ZIM2: variants seen among roughly 807,000 people sequenced by gnomAD.
The protein encoded by ZIM2 is zinc finger protein 656.
ZIM2 carries 14 observed loss-of-function variants against 38.6 expected under a neutral mutation model. The ratio of observed to expected loss-of-function variants is 0.36; its 90% CI spans 0.24 to 0.57. The LOEUF (loss-of-function observed/expected upper bound fraction) is 0.57. ZIM2 is among the 20% of genes least tolerant of loss of function. The probability of loss-of-function intolerance (pLI) is 0.81; values close to 1 mark genes in which losing one functional copy is unlikely to be tolerated. For synonymous variants in ZIM2, 247 were observed against 245.8 expected (o/e 1.00, Z -0.04); for missense variants, 680 against 695.1 (o/e 0.98, Z 0.24).
intron 3 of ZIM2, among the ~76,000 whole-genome samples, chr19:56,826,152 A>T (rs1044849900): frequency 4.5e-4 from 68 of 152,192 alleles, no homozygotes; most frequent in African/African-American, 1.6e-3. Flanking sequence ...TCCCAAAGCA[A>T]GGGAAGGCAA....
chr19:56,778,401 TGGA>T (rs937819137), intron 12 of ZIM2, among the ~76,000 whole-genome samples: 1 of 152,106 alleles, frequency 6.6e-6, no homozygotes, highest in African/African-American at 2.4e-5. Flanking sequence ...CAGACAAACG[TGGA>T]GGAGGGCTGT....
intron 10 of ZIM2, among the ~76,000 whole-genome samples, chr19:56,788,873 G>A (rs905976530): frequency 6.6e-6 from 1 of 151,238 alleles, no homozygotes; most frequent in African/African-American, 2.4e-5. Flanking sequence ...CTCTAATCTT[G>A]TTTTCATGCT....
At chr19:56,824,483 A>G (rs1231755893) in intron 3 of ZIM2, 56 bp from the exon 4 acceptor site, 2 of 1,614,140 alleles carry the variant, frequency 1.2e-6, no homozygotes, top group Non-Finnish European at 1.7e-6. Context: ...CCGAGGCCCA[A>G]CAAATTCCAC....
chr19:56,822,809 C>T lies in ZIM2; in HGVS notation c.134G>A (p.Arg45Lys), dbSNP rs1173724173. 2 of 1,614,020 alleles carry T rather than the reference C, an allele frequency of 1.2e-6. No homozygotes were observed. The highest frequency in any genetic ancestry group is 1.3e-5 in the African/African-American group (1 of 74,936). ...GTCTCGTGGCTCCATGTCTCTGCTT[C>T]TGCCCCTCCGGTCCCAGTCCCGGTC... Reference protein sequence around the residue: ...SGDRDWDRRGRSRDMEPRDRW... With the variant: ...SGDRDWDRRGKSRDMEPRDRW... Residue 45 changes from arginine to lysine, a missense_variant, in exon 6 of 13, where the codon AGA (arginine) becomes AAA (lysine). Physicochemically the swap from Arg to Lys is conservative, Grantham distance 26 (BLOSUM62 2). Coordinates refer to ENST00000629319, the MANE Select transcript of ZIM2 (RefSeq NM_001387356.1).
chr19:56,810,822 T>C, intron 9 of ZIM2: 1 of 970,316 alleles, frequency 1.0e-6, no homozygotes, highest in Non-Finnish European at 1.2e-6. Context: ...GGAATATAGG[T>C]AATTTTTTAA....
chr19:56,812,906 C>G (rs1249413739), intron 9 of ZIM2: 7 of 985,256 alleles, frequency 7.1e-6, no homozygotes, highest in African/African-American at 1.8e-5. Context: ...ACCAATCAAT[C>G]TGGGTCACAA....
chr19:56,786,650 C>T (rs982405749), intron 10 of ZIM2, among the ~76,000 whole-genome samples: 4 of 152,026 alleles, frequency 2.6e-5, no homozygotes, highest in South Asian at 4.2e-4. Flanking sequence ...TGAAATAGGA[C>T]GGCCAGATAA....
chr19:56,777,053 G>C (rs2046056682), intron 12 of ZIM2, among the ~76,000 whole-genome samples: 1 of 152,286 alleles, frequency 6.6e-6, no homozygotes, highest in South Asian at 2.1e-4. Flanking sequence ...CTTTATAAAG[G>C]CAACTCTCTG....
chr19:56,775,334 C>A lies in ZIM2; in HGVS notation c.1031G>T (p.Gly344Val). 1.2e-6 allele frequency: 2 copies of A among 1,614,154 alleles called. No homozygotes were observed. Among genetic ancestry groups the A allele is most frequent in the South Asian group, 2.2e-5 (2 of 91,076 alleles). The change falls in exon 13 of 13, where the codon GGA becomes GTA. Residue 344 changes from glycine (G) to valine (V), a missense_variant. Coordinates refer to ENST00000629319, the MANE Select transcript of ZIM2 (RefSeq NM_001387356.1). Reference sequence around the variant, plus strand: ...TGCTGACTGGGGACTCGTACATATTCCAGGAGCAGTGCCTTCCTGGGGATC... The same window carrying A: ...TGCTGACTGGGGACTCGTACATATTACAGGAGCAGTGCCTTCCTGGGGATC... Reference protein sequence around the residue: ...GKDPQEGTAPGICTSPQSASQ... With the variant: ...GKDPQEGTAPVICTSPQSASQ...
In ZIM2 at chr19:56,774,842, C is replaced by T. The variant is rs1336758874; in HGVS notation, c.1523G>A (p.Arg508Gln). 1.1e-5 allele frequency: 17 copies of T among 1,613,934 alleles called. No individual in the cohort carries two copies. The highest frequency in any genetic ancestry group is 1.0e-4 in the Admixed American group (6 of 59,982). ...QCCDCGRVFS[R>Q]NSYLIQHYRT... is the part of the protein sequence containing the mutation. ...ATAATGCTGAATGAGATATGAATTC[C>T]GACTGAAGACTCTGCCACAGTCACA... Residue 508 changes from arginine (R) to glutamine (Q), a missense_variant, in exon 13 of 13, where the codon CGG (arginine) becomes CAG (glutamine). By Grantham distance (43) the Arg-to-Gln change is conservative (BLOSUM62 1). Coordinates refer to ENST00000629319, the MANE Select transcript of ZIM2 (RefSeq NM_001387356.1).
At chr19:56,826,886 A>C (rs958791084) in intron 2 of ZIM2, among the ~76,000 whole-genome samples, 2 of 152,220 alleles carry the variant, frequency 1.3e-5, no homozygotes, top group Non-Finnish European at 2.9e-5. Flanking sequence ...ATATGCTTCT[A>C]TTCTGTGAAT....
intron 9 of ZIM2, chr19:56,815,171 C>A: frequency 6.2e-7 from 1 of 1,613,966 alleles, no homozygotes; most frequent in Non-Finnish European, 8.5e-7. Context: ...ATGTCTGAGC[C>A]TTGAATGACA....
intron 9 of ZIM2, chr19:56,815,554 C>T (rs369854592): frequency 4.7e-5 from 76 of 1,613,702 alleles, no homozygotes; most frequent in Middle Eastern, 1.6e-4. Flanking sequence ...CCCTCGAGGG[C>T]GAAATGTTTG....
rs564602097 is a variant in ZIM2 at position 56,807,966 on chromosome 19, AAAG to A, written c.490+9777_490+9779del. Among the ~76,000 whole-genome samples, 36 of 152,314 alleles carry A rather than the reference AAAG, an allele frequency of 2.4e-4. No individual in the cohort carries two copies. The South Asian group carries it at 6.8e-3, about 29-fold the overall frequency. ...CAGTCCTTCTAGTAGGACAGCAATC[AAAG>A]AAGACTTGTTAATCTCACTAGGGGG... On this transcript the variant is annotated intron_variant, in intron 9 of 12. Coordinates refer to ENST00000629319, the MANE Select transcript of ZIM2 (RefSeq NM_001387356.1).
intron 9 of ZIM2, among the ~76,000 whole-genome samples, chr19:56,790,403 T>C (rs1204341342): frequency 1.3e-5 from 2 of 152,212 alleles, no homozygotes; most frequent in Non-Finnish European, 2.9e-5. Flanking sequence ...AAATAATTCA[T>C]ATGTTATAAA....
In ZIM2 at chr19:56,816,112, G is replaced by A. The variant is rs558472390; in HGVS notation, c.490+1634C>T. On this transcript the variant is annotated intron_variant, in intron 9 of 12. Coordinates refer to ENST00000629319, the MANE Select transcript of ZIM2 (RefSeq NM_001387356.1). ...CACAGAGGCTAAGCTATGAATAACA[G>A]ACCTCTCATATGATTTTGCCTCATA... 38 of 1,612,330 alleles carry A rather than the reference G, an allele frequency of 2.4e-5. No individual in the cohort carries two copies. The highest frequency in any genetic ancestry group is 1.8e-4 in the South Asian group (16 of 90,898).
In ZIM2 at chr19:56,816,371, G is replaced by A. The variant is rs148855175; in HGVS notation, c.490+1375C>T. 5.9e-5 allele frequency: 95 copies of A among 1,613,958 alleles called. No individual in the cohort carries two copies. Among genetic ancestry groups the A allele is most frequent in the African/African-American group, 5.6e-4 (42 of 74,986 alleles). On this transcript the variant is annotated intron_variant, in intron 9 of 12. Transcript: ENST00000629319. ...TCTGAGCTTTGCATGAAGGCATCCCGGCCATCTGTAAAGTCACAGAGCTTC... is the reference window on the plus strand; with the variant it reads ...TCTGAGCTTTGCATGAAGGCATCCCAGCCATCTGTAAAGTCACAGAGCTTC...
At chr19:56,787,710 GTTTTTT>G (rs56289231) in intron 10 of ZIM2, among the ~76,000 whole-genome samples, 1 of 105,854 alleles carries the variant, frequency 9.4e-6, no homozygotes, top group African/African-American at 3.5e-5. Context: ...CTGGTCCTGG[GTTTTTT>G]TTTTTTTTTT....
chr19:56,787,911 A>G (rs755037446), intron 10 of ZIM2, among the ~76,000 whole-genome samples: 9 of 151,568 alleles, frequency 5.9e-5, no homozygotes, highest in Non-Finnish European at 1.0e-4. Context: ...GGTAGTTTGT[A>G]TTTCTGTGGG....
Sources: allele counts gnomAD v4.1 joint callset (sites outside exome capture counted in the v4.1 genomes callset), GRCh38; gene constraint gnomAD v4.1.1; transcripts MANE v1.5; gene names NCBI Gene and HGNC (gene_info 2026-07-23, HGNC 2026-07-21).